NALCN: variants seen among roughly 807,000 people sequenced by gnomAD.
NALCN encodes the protein sodium leak channel, non-selective, also known as sodium leak channel NALCN.
In NALCN, 111 loss-of-function variants were observed where a neutral mutation model predicts 225.3. The observed-to-expected ratio is 0.49, with a 90% CI of 0.42 to 0.58. The LOEUF (loss-of-function observed/expected upper bound fraction) is 0.58. Ranked by LOEUF, NALCN falls within the 20% of genes least tolerant of loss-of-function variation. The pLI, the probability that NALCN is intolerant of heterozygous loss-of-function variation, is 0.00. For synonymous variants in NALCN, 764 were observed against 769.0 expected (o/e 0.99, Z 0.11); for missense variants, 1,378 against 2,202.4 (o/e 0.63, Z 7.49).
At chr13:101,254,967 T>C (rs186112947) in intron 11 of NALCN, among the ~76,000 whole-genome samples, 5 of 151,796 alleles carry the variant, frequency 3.3e-5, no homozygotes, top group Admixed American at 2.0e-4. Flanking sequence ...TGTGATGAAC[T>C]TGGGAATAAG....
chr13:101,412,561 T>C (rs917588799), intron 1 of NALCN, among the ~76,000 whole-genome samples: 1 of 152,210 alleles, frequency 6.6e-6, no homozygotes, highest in Non-Finnish European at 1.5e-5. Context: ...CAATTCTGTT[T>C]TACAAAAGCC....
chr13:101,390,952 C>A lies in NALCN; in HGVS notation c.291+4231G>T, dbSNP rs934976202. ...GGAGGGATAGCATTAGGAAATATAC[C>A]TAATGTAAATGACAAGTTAATGGGT... On this transcript the variant is annotated intron_variant, in intron 3 of 43. Transcript: ENST00000251127. Among the ~76,000 whole-genome samples, 23 of 151,702 alleles carry A rather than the reference C, an allele frequency of 1.5e-4. 1 individual carries two copies. Among genetic ancestry groups the A allele is most frequent in the Non-Finnish European group, 7.4e-5 (5 of 67,984 alleles).
chr13:101,163,653 T>G (rs1201114328), intron 15 of NALCN, among the ~76,000 whole-genome samples: 1 of 152,062 alleles, frequency 6.6e-6, no homozygotes, highest in Non-Finnish European at 1.5e-5. Flanking sequence ...GTACGTCCAT[T>G]GTTCCCTGCT....
intron 27 of NALCN, among the ~76,000 whole-genome samples, chr13:101,097,796 G>A (rs1042167000): frequency 6.6e-6 from 1 of 152,064 alleles, no homozygotes; most frequent in South Asian, 2.1e-4. Context: ...AGGCACTTGA[G>A]GATCTCTCCC....
intron 13 of NALCN, among the ~76,000 whole-genome samples, chr13:101,205,879 T>C (rs1232053473): frequency 6.6e-6 from 1 of 152,056 alleles, no homozygotes; most frequent in African/African-American, 2.4e-5. Context: ...CATTGTTAAA[T>C]GGAGGATTAA....
chr13:101,072,828 G>A (rs755859700), intron 37 of NALCN, among the ~76,000 whole-genome samples: 1 of 152,146 alleles, frequency 6.6e-6, no homozygotes, highest in South Asian at 2.1e-4. Context: ...CTAAAATTCA[G>A]TTCCTCAGTT....
intron 9 of NALCN, among the ~76,000 whole-genome samples, chr13:101,290,167 G>T (rs2139039919): frequency 6.6e-6 from 1 of 152,294 alleles, no homozygotes; most frequent in Non-Finnish European, 1.5e-5. Context: ...GTACAACTTT[G>T]TTCCAAGTCT....
At chr13:101,263,529 T>C (rs1234593627) in intron 10 of NALCN, among the ~76,000 whole-genome samples, 2 of 152,230 alleles carry the variant, frequency 1.3e-5, no homozygotes, top group African/African-American at 2.4e-5. Flanking sequence ...TGGATTTATG[T>C]CTTAAGTAAA....
intron 11 of NALCN, among the ~76,000 whole-genome samples, chr13:101,254,031 A>G (rs1414059241): frequency 6.6e-6 from 1 of 152,202 alleles, no homozygotes; most frequent in African/African-American, 2.4e-5. Context: ...AGAAATGGCA[A>G]TGTAATCTGA....
chr13:101,340,890 T>G (rs1209222002), intron 7 of NALCN, among the ~76,000 whole-genome samples: 1 of 152,220 alleles, frequency 6.6e-6, no homozygotes, highest in African/African-American at 2.4e-5. Flanking sequence ...AATGATTTTT[T>G]GGGACGTGGT....
At chr13:101,116,856 T>C (rs1438868714) in intron 18 of NALCN, 2 of 446,942 alleles carry the variant, frequency 4.5e-6, no homozygotes, top group African/African-American at 2.0e-5. Flanking sequence ...GTGGTAATTA[T>C]GTAAAACTAT....
At chr13:101,223,406 A>G (rs1594470186) in intron 13 of NALCN, among the ~76,000 whole-genome samples, 2 of 152,140 alleles carry the variant, frequency 1.3e-5, no homozygotes, top group South Asian at 4.1e-4. Context: ...TCTGGTTGAT[A>G]CCTTTTTGGA....
chr13:101,124,677 C>A lies in NALCN; in HGVS notation c.2123G>T (p.Arg708Leu), dbSNP rs756720709. The change falls in exon 18 of 44, where the codon CGC (arginine) becomes CTC (leucine). Residue 708 changes from arginine to leucine, a missense_variant. Transcript: ENST00000251127. ...TGCCCTGATGCTGAAAACAGACTTG[C>A]GAAGCTGAAAATGATAAGAGTATGA... Reference protein sequence around the residue: ...EDNKYIDQKLRKSVFSIRARN... With the variant: ...EDNKYIDQKLLKSVFSIRARN... 1.9e-6 allele frequency: 3 copies of A among 1,613,564 alleles called. No homozygotes were observed. Among genetic ancestry groups the A allele is most frequent in the African/African-American group, 1.3e-5 (1 of 74,966 alleles).
At chr13:101,083,918 G>A in intron 30 of NALCN, 114 bp from the exon 31 acceptor site, 2 of 893,536 alleles carry the variant, frequency 2.2e-6, no homozygotes, top group Non-Finnish European at 3.2e-6. Context: ...CACTGACCAT[G>A]TTCTTCCAAC....
At chr13:101,241,347 T>C (rs1232052268) in intron 11 of NALCN, among the ~76,000 whole-genome samples, 1 of 152,232 alleles carries the variant, frequency 6.6e-6, no homozygotes, top group Non-Finnish European at 1.5e-5. Context: ...TTGGCTGCTG[T>C]TTCTCAGATT....
intron 10 of NALCN, among the ~76,000 whole-genome samples, chr13:101,275,033 G>A (rs1480419813): frequency 2.6e-5 from 4 of 152,132 alleles, no homozygotes; most frequent in South Asian, 2.1e-4. Context: ...GCTCTGCAGG[G>A]AAATCCAATA....
At chr13:101,191,895 G>GGA (rs2039695849) in intron 14 of NALCN, 22 bp downstream of exon 14, 7 of 1,568,382 alleles carry the variant, frequency 4.5e-6, no homozygotes, top group Non-Finnish European at 6.0e-6. Flanking sequence ...AGATATAATT[G>GGA]AAAAAAAAAT....
intron 36 of NALCN, among the ~76,000 whole-genome samples, chr13:101,073,948 T>A (rs1458771875): frequency 2.6e-5 from 4 of 152,192 alleles, no homozygotes; most frequent in Non-Finnish European, 5.9e-5. Context: ...AGTGATTCCT[T>A]CTTTCACTTG....
At chr13:101,095,143 T>G (rs2034435685) in intron 28 of NALCN, among the ~76,000 whole-genome samples, 1 of 152,194 alleles carries the variant, frequency 6.6e-6, no homozygotes, top group South Asian at 2.1e-4. Flanking sequence ...ATAATGGAAG[T>G]CCTTCAGTGT....
Sources: gnomAD v4.1 joint callset for allele counts (sites outside exome capture counted in the v4.1 genomes callset) on GRCh38, gnomAD v4.1.1 for gene constraint, MANE v1.5 for transcripts, NCBI Gene and HGNC (gene_info 2026-07-23, HGNC 2026-07-21) for gene names.